The following CHD2 variants were observed in gnomAD, a reference collection of about 807,000 sequenced individuals.
The protein encoded by CHD2 is ATP-dependent chromatin remodeler CHD2.
Under a neutral mutation model 243.9 loss-of-function variants are expected in CHD2, and 28 were observed. The observed-to-expected ratio is 0.11, with a 90% CI of 0.09 to 0.16. CHD2 has a LOEUF of 0.16. Ranked by LOEUF, CHD2 falls within the 10% of genes least tolerant of loss-of-function variation. The pLI, the probability that CHD2 is intolerant of heterozygous loss-of-function variation, is 1.00. For synonymous variants in CHD2, 775 were observed against 779.0 expected (o/e 0.99, Z 0.09); for missense variants, 1,386 against 2,209.8 (o/e 0.63, Z 7.47).
intron 35 of CHD2, among the ~76,000 whole-genome samples, chr15:93,011,284 T>C (rs760781631): frequency 2.6e-4 from 40 of 152,032 alleles, no homozygotes; most frequent in African/African-American, 9.4e-4. Context: ...CAAGCCCAGA[T>C]AGAGTGGAAG....
chr15:92,950,881 A>G (rs534329418), intron 13 of CHD2, among the ~76,000 whole-genome samples: 1 of 152,346 alleles, frequency 6.6e-6, no homozygotes, highest in East Asian at 1.9e-4. Flanking sequence ...TTATCTGATA[A>G]AATCTAGTAC....
chr15:92,932,788 C>T (rs1000281760), intron 5 of CHD2, among the ~76,000 whole-genome samples: 4 of 152,038 alleles, frequency 2.6e-5, no homozygotes, highest in South Asian at 2.1e-4. Flanking sequence ...GATGGACTCT[C>T]GCTCTGTCGC....
rs373842922 is a variant in CHD2, at chr15:93,015,550, G to T, written c.4906+641G>T. 4.7e-5 allele frequency among the ~76,000 whole-genome samples: 7 copies of T among 150,022 alleles called. No homozygotes were observed. The East Asian group carries it at 9.8e-4, about 21-fold the overall frequency. ...AAACAATAACTGAATAGAAAAATGGGCAATCAACAGAGTGAAGAGACAGTT... is the reference window on the plus strand; with the variant it reads ...AAACAATAACTGAATAGAAAAATGGTCAATCAACAGAGTGAAGAGACAGTT... On this transcript the variant is annotated intron_variant, in intron 37 of 38. Coordinates refer to ENST00000394196, the MANE Select transcript of CHD2 (RefSeq NM_001271.4).
intron 9 of CHD2, 73 bp from the exon 10 acceptor site, chr15:92,944,342 G>A (rs141209293): frequency 1.3e-6 from 1 of 747,112 alleles, no homozygotes; most frequent in East Asian, 2.5e-5. Flanking sequence ...TTCCACCTTT[G>A]ACTTTTGCTT....
chr15:92,948,903 C>T, intron 12 of CHD2, 49 bp from the exon 13 acceptor site: 1 of 1,572,440 alleles, frequency 6.4e-7, no homozygotes, highest in South Asian at 1.2e-5. Flanking sequence ...AGCGTTTTAA[C>T]ATAGTAGCAG....
chr15:92,981,319 A>G (rs2053977661), intron 23 of CHD2, 46 bp from the exon 24 acceptor site: 11 of 1,413,294 alleles, frequency 7.8e-6, no homozygotes, highest in Middle Eastern at 1.8e-4. Flanking sequence ...TAGGCAACTC[A>G]TCTGTTGCCA....
intron 13 of CHD2, among the ~76,000 whole-genome samples, chr15:92,951,454 A>T (rs2053553425): frequency 6.6e-6 from 1 of 152,118 alleles, no homozygotes; most frequent in Non-Finnish European, 1.5e-5. Flanking sequence ...TACAGCCATG[A>T]GCCACCGTGC....
chr15:92,988,608 C>T (rs1441996768), intron 26 of CHD2, among the ~76,000 whole-genome samples: 2 of 152,112 alleles, frequency 1.3e-5, no homozygotes, highest in East Asian at 1.9e-4. Flanking sequence ...TGGCTTAGCT[C>T]GCACTGTTAA....
Position 92,972,480 on chromosome 15 carries a change from A to C in CHD2, c.2505+63A>C, listed in dbSNP as rs181432825. 166 of 1,379,994 alleles carry C rather than the reference A, an allele frequency of 1.2e-4. No homozygotes were observed. In the African/African-American group the frequency reaches 2.3e-3, roughly 19 times the overall value. The allele number at this position is 1,379,994 out of a possible 1,614,324, so 85.5% of individuals were successfully genotyped here. Reference sequence around the variant, plus strand: ...TCTCTCTCTCCGCCTCCCCTCCCCAACCTTCCTACACTGGGTTGTATGCTT... The same window carrying C: ...TCTCTCTCTCCGCCTCCCCTCCCCACCCTTCCTACACTGGGTTGTATGCTT... On this transcript the variant is annotated intron_variant, in intron 19 of 38. Transcript: ENST00000394196.
chr15:92,964,444 GAC>G (rs2053729232), intron 16 of CHD2, among the ~76,000 whole-genome samples: 1 of 152,140 alleles, frequency 6.6e-6, no homozygotes. Flanking sequence ...GGTACCTTAG[GAC>G]TCTACAGAGC....
chr15:92,999,005 AC>A (rs1371682576), intron 31 of CHD2, among the ~76,000 whole-genome samples: 5 of 135,846 alleles, frequency 3.7e-5, no homozygotes, highest in African/African-American at 1.4e-4. Flanking sequence ...AATGGTGTGA[AC>A]CCGGGAGGCG....
intron 17 of CHD2, among the ~76,000 whole-genome samples, 199 bp from the exon 18 acceptor site, chr15:92,971,566 C>G (rs1244037630): frequency 6.6e-6 from 1 of 152,142 alleles, no homozygotes; most frequent in Non-Finnish European, 1.5e-5. Flanking sequence ...GAATCTTTAA[C>G]ATTCCTAATT....
chr15:93,016,209 G>T (rs1335771921), intron 37 of CHD2, among the ~76,000 whole-genome samples: 1 of 152,180 alleles, frequency 6.6e-6, no homozygotes, highest in African/African-American at 2.4e-5. Context: ...GCAACAACAT[G>T]GTTGAATCTG....
At position 92,937,539 on chromosome 15, in the gene CHD2, C is replaced by G; in HGVS notation, c.465C>G (p.Pro155=). 1 of 1,611,506 alleles carries G rather than the reference C, an allele frequency of 6.2e-7. No homozygotes were observed. The highest frequency in any genetic ancestry group is 1.1e-5 in the South Asian group (1 of 90,516). The change falls in exon 6 of 39, where the codon CCC becomes CCG. Residue 155 remains proline, a synonymous_variant. Coordinates refer to ENST00000394196, the MANE Select transcript of CHD2 (RefSeq NM_001271.4). The part of the protein sequence containing the change: ...LKKQEKWKQE[P]SEDEQEQGTS... ...ACAGAGAAAAATGGAAACAGGAACC[C>G]TCAGAAGATGAACAGGAACAAGGCA...
At chr15:92,936,078 T>G (rs1341456794) in intron 5 of CHD2, among the ~76,000 whole-genome samples, 1 of 152,154 alleles carries the variant, frequency 6.6e-6, no homozygotes, top group Non-Finnish European at 1.5e-5. Context: ...CTAGTAGAAG[T>G]TGAATAATAT....
At chr15:92,902,029 T>G in intron 2 of CHD2, 2 of 392,038 alleles carry the variant, frequency 5.1e-6, no homozygotes, top group Non-Finnish European at 9.0e-6. Flanking sequence ...TTACTGTGAT[T>G]AATATTTGCA....
At chr15:92,995,175 A>G (rs1232698240) in intron 28 of CHD2, among the ~76,000 whole-genome samples, 2 of 152,082 alleles carry the variant, frequency 1.3e-5, no homozygotes, top group East Asian at 3.8e-4. Flanking sequence ...GTCAAAATAT[A>G]TGTTTAAATT....
chr15:92,996,450 G>A lies in CHD2; in HGVS notation c.3596-507G>A, dbSNP rs1185811098. Among the ~76,000 whole-genome samples the A allele has an allele frequency of 3.3e-5, 5 of 152,192 alleles. No homozygotes were observed. The East Asian group carries it at 7.7e-4, about 24-fold the overall frequency. On this transcript the variant is annotated intron_variant, in intron 28 of 38. Coordinates refer to ENST00000394196, the MANE Select transcript of CHD2 (RefSeq NM_001271.4). ...GCTAGGATTACAGGTGTGAGCCACCGCGCCCGCCTGGGTTAGTGTAATTTT... is the reference window on the plus strand; with the variant it reads ...GCTAGGATTACAGGTGTGAGCCACCACGCCCGCCTGGGTTAGTGTAATTTT...
At chr15:92,906,784 T>TA (rs906189386) in intron 2 of CHD2, among the ~76,000 whole-genome samples, 1 of 151,024 alleles carries the variant, frequency 6.6e-6, no homozygotes, top group Admixed American at 6.6e-5. Context: ...CAAAGAAACT[T>TA]AAAAAAAAAT....
Sources: allele counts gnomAD v4.1 joint callset (sites outside exome capture counted in the v4.1 genomes callset), GRCh38; gene constraint gnomAD v4.1.1; transcripts MANE v1.5; gene names NCBI Gene and HGNC (gene_info 2026-07-23, HGNC 2026-07-21).